The following AP3D1 variants were observed in gnomAD, a reference collection of about 807,000 sequenced individuals.
AP3D1 encodes AP-3 complex subunit delta-1.
In AP3D1, 51 loss-of-function variants were observed where a neutral mutation model predicts 147.6. The observed-to-expected ratio is 0.35, with a 90% CI of 0.28 to 0.44. AP3D1 has a LOEUF of 0.44. Ranked by LOEUF, AP3D1 falls within the 20% of genes least tolerant of loss-of-function variation. The pLI is 1.00. For synonymous variants in AP3D1, 760 were observed against 663.0 expected (o/e 1.15, Z -2.25); for missense variants, 1,421 against 1,624.2 (o/e 0.87, Z 2.15).
At position 2,109,235 on chromosome 19, in the gene AP3D1, C is replaced by T. The variant is rs777837271; in HGVS notation, c.3351-28G>A. ...GTGGGAGGGACAGGGAGGCTGACTG[C>T]GGTGGGGCCGGGCTCCTCAGGCTTC... is the stretch of plus-strand genomic sequence containing the variant. On this transcript the variant is annotated intron_variant, in intron 29 of 31. Coordinates refer to ENST00000643116, the MANE Select transcript of AP3D1 (RefSeq NM_001261826.3). 77 of 1,549,814 alleles carry T rather than the reference C, an allele frequency of 5.0e-5. 1 individual carries two copies. The highest frequency in any genetic ancestry group is 1.7e-4 in the Middle Eastern group (1 of 5,840).
intron 4 of AP3D1, among the ~76,000 whole-genome samples, chr19:2,133,723 T>C (rs966596171): frequency 6.6e-6 from 1 of 151,728 alleles, no homozygotes; most frequent in Admixed American, 6.6e-5. Flanking sequence ...AGGCTGGTCT[T>C]GAACTCTTGA....
At chr19:2,155,832 CAGG>C (rs2019640698), upstream of AP3D1, among the ~76,000 whole-genome samples, 1 of 152,004 alleles carries the variant, frequency 6.6e-6, no homozygotes, top group Non-Finnish European at 1.5e-5. Context: ...GTGGGCGGAT[CAGG>C]AGGTCAGGAG....
In AP3D1 at chr19:2,135,218, AAAC is replaced by A. The variant is rs2019046165; in HGVS notation, c.354+1790_354+1792del. On this transcript the variant is annotated intron_variant, in intron 4 of 31. Transcript: ENST00000643116. ...TCCATCTCAAAAACAAAATAAAACA[AAAC>A]AAAACAAAAAAATAAAATAAAAAAC... 7.9e-5 allele frequency among the ~76,000 whole-genome samples: 12 copies of A among 151,828 alleles called. No individual in the cohort carries two copies. The South Asian group carries it at 2.5e-3, about 32-fold the overall frequency.
intron 2 of AP3D1, 104 bp from the exon 3 acceptor site, chr19:2,137,911 G>C (rs1599484895): frequency 2.0e-6 from 2 of 998,282 alleles, no homozygotes; most frequent in East Asian, 5.2e-5. Context: ...TGCTGGAACA[G>C]ACTCATTCAC....
In AP3D1 at chr19:2,140,688, C is replaced by A. The variant is rs535782451; in HGVS notation, c.97-1974G>T. 9.1e-4 allele frequency among the ~76,000 whole-genome samples: 139 copies of A among 152,132 alleles called. 1 individual carries two copies. The highest frequency in any genetic ancestry group is 1.8e-3 in the Non-Finnish European group (119 of 67,972). On this transcript the variant is annotated intron_variant, in intron 1 of 31. Transcript: ENST00000643116. ...GGCAGTGGGTCACAACCCTGGGACTCCCTCTTGGCTTTTAACTTCTGATAA... is the reference window on the plus strand; with the variant it reads ...GGCAGTGGGTCACAACCCTGGGACTACCTCTTGGCTTTTAACTTCTGATAA...
intron 5 of AP3D1, 22 bp from the exon 6 acceptor site, chr19:2,130,559 C>T (rs764122786): frequency 1.9e-6 from 3 of 1,612,522 alleles, no homozygotes; most frequent in Non-Finnish European, 2.5e-6. Context: ...CGGGCTTCAG[C>T]CTGCGCGGGC....
intron 11 of AP3D1, among the ~76,000 whole-genome samples, chr19:2,122,102 G>A (rs930004798): frequency 6.6e-6 from 1 of 152,156 alleles, no homozygotes; most frequent in Non-Finnish European, 1.5e-5. Flanking sequence ...CCCCATGCCG[G>A]CTCCCTCAGG....
At chr19:2,147,138 A>T (rs950770273) in intron 1 of AP3D1, among the ~76,000 whole-genome samples, 5 of 152,170 alleles carry the variant, frequency 3.3e-5, no homozygotes, top group African/African-American at 1.2e-4. Flanking sequence ...TGAGGTCGGG[A>T]GTTCAAGACC....
intron 1 of AP3D1, among the ~76,000 whole-genome samples, chr19:2,163,672 C>A (rs1000275190): frequency 3.3e-5 from 5 of 152,082 alleles, no homozygotes; most frequent in Non-Finnish European, 7.4e-5. Flanking sequence ...AACCCGCTAT[C>A]CGACGGGCCC....
At chr19:2,129,555 C>T in intron 6 of AP3D1, 98 bp from the exon 7 acceptor site, 1 of 1,418,544 alleles carries the variant, frequency 7.0e-7, no homozygotes, top group Non-Finnish European at 9.4e-7. Context: ...GGGCCTGCAG[C>T]AGCTCCCACT....
At chr19:2,110,430 A>C (rs1173535146) in intron 27 of AP3D1, among the ~76,000 whole-genome samples, 4 of 152,136 alleles carry the variant, frequency 2.6e-5, no homozygotes, top group Non-Finnish European at 5.9e-5. Flanking sequence ...TCCCTGTTTC[A>C]GAGGGCAGAC....
chr19:2,109,042 G>A (rs1438102796), intron 30 of AP3D1, 44 bp downstream of exon 30: 1 of 1,600,894 alleles, frequency 6.2e-7, no homozygotes, highest in African/African-American at 1.4e-5. Flanking sequence ...GCTGCCGCGT[G>A]CGTGAAAGCC....
intron 31 of AP3D1, among the ~76,000 whole-genome samples, 178 bp downstream of exon 31, chr19:2,108,509 A>AG (rs2018173669): frequency 6.6e-6 from 1 of 152,140 alleles, no homozygotes; most frequent in Non-Finnish European, 1.5e-5. Context: ...TGTCTTGCTG[A>AG]GGGAGAGTCT....
intron 9 of AP3D1, among the ~76,000 whole-genome samples, chr19:2,126,814 G>T (rs1351904232): frequency 2.0e-5 from 3 of 152,140 alleles, no homozygotes. Flanking sequence ...TGAGCAGCAG[G>T]GGCCGGCATC....
chr19:2,114,527 G>C (rs1441484748), intron 21 of AP3D1, among the ~76,000 whole-genome samples: 1 of 152,166 alleles, frequency 6.6e-6, no homozygotes, highest in Non-Finnish European at 1.5e-5. Context: ...GACCTCCCGA[G>C]CACCCCAGGC....
chr19:2,117,100 G>A, intron 16 of AP3D1, 122 bp downstream of exon 16: 1 of 1,275,926 alleles, frequency 7.8e-7, no homozygotes, highest in Non-Finnish European at 1.1e-6. Context: ...CCCGCCTGAG[G>A]CCTCCAATCA....
rs371117784 is a variant in AP3D1 at position 2,115,367 on chromosome 19, C to T, written c.2201G>A (p.Arg734Gln). The T allele has an allele frequency of 1.6e-4, 250 of 1,606,882 alleles. No individual in the cohort carries two copies. The highest frequency in any genetic ancestry group is 2.0e-4 in the Non-Finnish European group (234 of 1,179,870). Reference sequence around the variant, plus strand: ...CCTCTTGTCCTTCTCCAGCTTCTGCCGGTGCCGCCGCTCCTCCTCCAGCTT... The same window carrying T: ...CCTCTTGTCCTTCTCCAGCTTCTGCTGGTGCCGCCGCTCCTCCTCCAGCTT... ...YVKLEEERRH[R>Q]QKLEKDKRRK... The change falls in exon 20 of 32, where the codon CGG becomes CAG. Residue 734 changes from arginine to glutamine, a missense_variant. By Grantham distance (43) the Arg-to-Gln change is conservative (BLOSUM62 1). Around this residue, in one of 6 missense-constraint regions of AP3D1, gnomAD observed 791 missense variants for 761.4 expected, o/e 1.04. Coordinates refer to ENST00000643116, the MANE Select transcript of AP3D1 (RefSeq NM_001261826.3).
In AP3D1 at chr19:2,136,987, C is replaced by G. The variant is rs200207591; in HGVS notation, c.354+24G>C. ...AGGGCAGACTGCACTCAGCACAGAG[C>G]GGCCCCGGCCCGGGAACACCCACCT... is the stretch of plus-strand genomic sequence containing the variant. On this transcript the variant is annotated intron_variant, in intron 4 of 31. Transcript: ENST00000643116. 52 of 1,560,932 alleles carry G rather than the reference C, an allele frequency of 3.3e-5. No individual in the cohort carries two copies. The African/African-American group carries it at 3.5e-4, about 11-fold the overall frequency.
chr19:2,146,367 G>A (rs545060771), intron 1 of AP3D1, among the ~76,000 whole-genome samples: 1 of 152,322 alleles, frequency 6.6e-6, no homozygotes, highest in African/African-American at 2.4e-5. Context: ...ACTTTGGGAG[G>A]CCAAGGTGGG....
Sources: gnomAD v4.1 joint callset for allele counts (sites outside exome capture counted in the v4.1 genomes callset) on GRCh38, gnomAD v4.1.1 for gene constraint, gnomAD v4.1.1 regional missense constraint, MANE v1.5 for transcripts, NCBI Gene and HGNC (gene_info 2026-07-23, HGNC 2026-07-21) for gene names.